Variants in EIF2AK3 observed in about 807,000 individuals in gnomAD.
EIF2AK3 encodes the protein eukaryotic translation initiation factor 2 alpha kinase 3.
In EIF2AK3, 50 loss-of-function variants were observed where a neutral mutation model predicts 113.5. That is an observed-to-expected ratio of 0.44 (90% confidence interval 0.35 to 0.56). The LOEUF is 0.56. EIF2AK3 is among the 20% of genes least tolerant of loss of function. EIF2AK3 has a pLI of 0.00. For missense variants in EIF2AK3, 1,185 were observed against 1,378.0 expected (o/e 0.86, Z 2.22); for synonymous variants, 448 against 495.4 (o/e 0.90, Z 1.27).
At chr2:88,597,909 A>C (rs1380538533) in intron 2 of EIF2AK3, among the ~76,000 whole-genome samples, 1 of 152,168 alleles carries the variant, frequency 6.6e-6, no homozygotes, top group Non-Finnish European at 1.5e-5. Flanking sequence ...AAAGTAGTGC[A>C]CTCATACCCG....
chr2:88,626,726 T>C (rs1422086578), intron 1 of EIF2AK3, among the ~76,000 whole-genome samples: 1 of 152,206 alleles, frequency 6.6e-6, no homozygotes, highest in East Asian at 1.9e-4. Context: ...CTCCCGCACC[T>C]GCGAGGATGC....
rs1434448380 is a variant in EIF2AK3, at chr2:88,593,263, A to C, written c.767+9T>G. The C allele has an allele frequency of 6.2e-7, 1 of 1,614,050 alleles. No individual in the cohort carries two copies. Among genetic ancestry groups the C allele is most frequent in the Non-Finnish European group, 8.5e-7 (1 of 1,179,942 alleles). On this transcript the variant is annotated intron_variant, in intron 4 of 16. Transcript: ENST00000303236. ...ATAATACCAACAGCAACATTATCTGAATACACACTTCTCATTGCCACTGCG... is the reference window on the plus strand; with the variant it reads ...ATAATACCAACAGCAACATTATCTGCATACACACTTCTCATTGCCACTGCG...
chr2:88,596,637 A>G (rs773865947), intron 2 of EIF2AK3, among the ~76,000 whole-genome samples: 1 of 152,176 alleles, frequency 6.6e-6, no homozygotes, highest in Non-Finnish European at 1.5e-5. Flanking sequence ...AAAGGCTCTT[A>G]GATGGAAGCA....
chr2:88,597,509 A>G (rs954780228), intron 2 of EIF2AK3, among the ~76,000 whole-genome samples: 5 of 152,164 alleles, frequency 3.3e-5, no homozygotes, highest in Admixed American at 6.6e-5. Context: ...CTGACCTTAA[A>G]TAAACCTTTC....
chr2:88,590,345 A>G, intron 6 of EIF2AK3, 98 bp downstream of exon 6: 2 of 1,247,764 alleles, frequency 1.6e-6, no homozygotes, highest in Non-Finnish European at 2.3e-6. Flanking sequence ...ATTAGGATTT[A>G]AAACTACTAC....
chr2:88,627,457 G>T lies in EIF2AK3; in HGVS notation c.-183C>A. The T allele has an allele frequency of 1.4e-6, 1 of 692,386 alleles. No individual in the cohort carries two copies. Among genetic ancestry groups the T allele is most frequent in the Non-Finnish European group, 2.1e-6 (1 of 482,158 alleles). 42.9% of individuals were successfully genotyped at this position (692,386 alleles called of 1,614,324 possible). On this transcript the variant is annotated 5_prime_UTR_variant, in exon 1 of 17. Transcript: ENST00000303236. ...CGGCCTCTGCCGCTGCCACCTGAGTGACAGCCTATCTCGGACATCGCCCAT... is the reference window on the plus strand; with the variant it reads ...CGGCCTCTGCCGCTGCCACCTGAGTTACAGCCTATCTCGGACATCGCCCAT...
chr2:88,615,426 T>A (rs1379594074), intron 1 of EIF2AK3, among the ~76,000 whole-genome samples: 1 of 152,178 alleles, frequency 6.6e-6, no homozygotes, highest in African/African-American at 2.4e-5. Context: ...AGGTGGGGCT[T>A]TAGGAGGTGA....
At chr2:88,590,370 TAGGA>T in intron 6 of EIF2AK3, 69 bp downstream of exon 6, 1 of 1,512,790 alleles carries the variant, frequency 6.6e-7, no homozygotes. Flanking sequence ...ACTCCTGAAG[TAGGA>T]AGGAACAATG....
At chr2:88,622,260 A>T (rs1251622721) in intron 1 of EIF2AK3, among the ~76,000 whole-genome samples, 1 of 152,212 alleles carries the variant, frequency 6.6e-6, no homozygotes, top group African/African-American at 2.4e-5. Flanking sequence ...ACACAAATTT[A>T]TCTCCTCCCC....
rs377427022 is a variant in EIF2AK3, at chr2:88,580,454, ACT to A, written c.1764-816_1764-815del. On this transcript the variant is annotated intron_variant, in intron 10 of 16. Transcript: ENST00000303236. ...ACCCCTGTCTTGACATTCCCATAAC[ACT>A]CTGCACATAATACTTTGAAGTATTT... 8.6e-4 allele frequency among the ~76,000 whole-genome samples: 130 copies of A among 151,876 alleles called. 7 individuals are homozygous for A. The East Asian group carries it at 0.02, about 23-fold the overall frequency.
chr2:88,618,293 G>A (rs1675636246), intron 1 of EIF2AK3, among the ~76,000 whole-genome samples: 1 of 152,030 alleles, frequency 6.6e-6, no homozygotes, highest in African/African-American at 2.4e-5. Flanking sequence ...CTATTTTGAG[G>A]GTTCCAAGAT....
intron 6 of EIF2AK3, among the ~76,000 whole-genome samples, chr2:88,590,214 G>A (rs1167506747): frequency 6.6e-6 from 1 of 152,140 alleles, no homozygotes; most frequent in Non-Finnish European, 1.5e-5. Flanking sequence ...TAGCCTGGGC[G>A]ACAAGAGTGA....
Position 88,586,039 on chromosome 2 carries a change from G to A in EIF2AK3, c.1452C>T (p.Tyr484=). 1 of 1,613,922 alleles carries A rather than the reference G, an allele frequency of 6.2e-7. No individual in the cohort carries two copies. Among genetic ancestry groups the A allele is most frequent in the Admixed American group, 1.7e-5 (1 of 60,004 alleles). Reference sequence around the variant, plus strand: ...TTCGTTTGTTCCTCTCCCTCTTGTAGTATGGTAGATAATAACCATTATCTT... The same window carrying A: ...TTCGTTTGTTCCTCTCCCTCTTGTAATATGGTAGATAATAACCATTATCTT... The part of the protein sequence containing the change: ...YPYDNGYYLP[Y]YKRERNKRST... The change falls in exon 9 of 17, where the codon TAC becomes TAT. Residue 484 remains tyrosine (Y), a synonymous_variant. Coordinates refer to ENST00000303236, the MANE Select transcript of EIF2AK3 (RefSeq NM_004836.7).
At chr2:88,580,470 T>C (rs1490662562) in intron 10 of EIF2AK3, among the ~76,000 whole-genome samples, 1 of 152,196 alleles carries the variant, frequency 6.6e-6, no homozygotes, top group Non-Finnish European at 1.5e-5. Context: ...CACATAATAC[T>C]TTGAAGTATT....
At chr2:88,603,918 C>T (rs1360053672) in intron 2 of EIF2AK3, among the ~76,000 whole-genome samples, 1 of 152,148 alleles carries the variant, frequency 6.6e-6, no homozygotes, top group Non-Finnish European at 1.5e-5. Context: ...CATGTTCTTC[C>T]TTTCTATACC....
At chr2:88,576,425 A>G in intron 12 of EIF2AK3, 129 bp downstream of exon 12, 15 of 1,391,008 alleles carry the variant, frequency 1.1e-5, no homozygotes, top group South Asian at 2.7e-5. Flanking sequence ...AGAACTTTTC[A>G]AAACATGAAA....
chr2:88,588,875 G>A lies in EIF2AK3; in HGVS notation c.1192C>T (p.Gln398Ter), dbSNP rs864621972. The A allele has an allele frequency of 6.2e-7, 1 of 1,613,794 alleles. No individual in the cohort carries two copies. The highest frequency in any genetic ancestry group is 8.5e-7 in the Non-Finnish European group (1 of 1,179,846). ...TTTTCTGAAATTCTGACTGATGACT[G>A]CAGATACAGCTGGCCTCTATACATT... ...LGMYRGQLYL[Q>*]SSVRISEKFP... The change falls in exon 7 of 17, where the codon CAG becomes TAG. Residue 398 changes from glutamine to a stop codon, truncating the protein, a stop_gained. Coordinates refer to ENST00000303236, the MANE Select transcript of EIF2AK3 (RefSeq NM_004836.7). LOFTEE classifies it high-confidence loss of function.
intron 1 of EIF2AK3, among the ~76,000 whole-genome samples, chr2:88,615,241 G>A (rs920576893): frequency 6.6e-6 from 1 of 152,200 alleles, no homozygotes; most frequent in African/African-American, 2.4e-5. Context: ...AAGCAACAGA[G>A]CTCCCCCTTA....
chr2:88,583,873 T>G (rs1032629716), intron 9 of EIF2AK3, among the ~76,000 whole-genome samples: 1 of 150,754 alleles, frequency 6.6e-6, no homozygotes, highest in Non-Finnish European at 1.5e-5. Context: ...GTGATTTCTT[T>G]TGACAAAATA....
Sources: allele counts gnomAD v4.1 joint callset (sites outside exome capture counted in the v4.1 genomes callset), GRCh38; gene constraint gnomAD v4.1.1; transcripts MANE v1.5; gene names NCBI Gene and HGNC (gene_info 2026-07-23, HGNC 2026-07-21).